GNA12: variants seen among roughly 807,000 people sequenced by gnomAD.
GNA12 encodes G protein subunit alpha 12, also known as guanine nucleotide-binding protein subunit alpha-12.
A neutral mutation model predicts 26.0 loss-of-function variants in GNA12; 9 were observed. The ratio of observed to expected loss-of-function variants is 0.35; its 90% confidence interval spans 0.21 to 0.60. GNA12 has a LOEUF of 0.60. GNA12 is among the 20% of genes least tolerant of loss of function. The pLI, the probability that GNA12 is intolerant of heterozygous loss-of-function variation, is 0.78. For synonymous variants in GNA12, 264 were observed against 219.6 expected, an observed-to-expected ratio of 1.20 and a Z score of -1.79; for missense variants, 405 against 525.8, an observed-to-expected ratio of 0.77 and a Z score of 2.25.
At chr7:2,735,463 G>A (rs1790121118) in intron 2 of GNA12, among the ~76,000 whole-genome samples, 1 of 151,722 alleles carries the variant, frequency 6.6e-6, no homozygotes, top group African/African-American at 2.4e-5. Context: ...GGACACACGT[G>A]CTCCGCCCAG....
At chr7:2,826,822 A>G (rs893841533) in intron 1 of GNA12, among the ~76,000 whole-genome samples, 1 of 152,162 alleles carries the variant, frequency 6.6e-6, no homozygotes, top group Non-Finnish European at 1.5e-5. Context: ...AACAAGGAGG[A>G]TTTTTAGGGC....
chr7:2,827,023 G>A (rs944980643), intron 1 of GNA12, among the ~76,000 whole-genome samples: 1 of 152,208 alleles, frequency 6.6e-6, no homozygotes, highest in African/African-American at 2.4e-5. Context: ...ACTGGTGTGG[G>A]GGAGGCAGGC....
intron 2 of GNA12, among the ~76,000 whole-genome samples, chr7:2,737,117 T>C (rs1790222022): frequency 6.6e-6 from 1 of 152,018 alleles, no homozygotes; most frequent in Admixed American, 6.5e-5. Context: ...AAGGTAACCG[T>C]GGATTGGTCT....
Position 2,795,434 on chromosome 7 carries a change from C to T in GNA12, c.310-291G>A, listed in dbSNP as rs146796012. Among the ~76,000 whole-genome samples, 903 of 152,098 alleles carry T rather than the reference C, an allele frequency of 5.9e-3. 6 individuals are homozygous for T. Among genetic ancestry groups the T allele is most frequent in the Middle Eastern group, 0.041 (12 of 294 alleles). ...CTGCTGGAACACAGGAGTCTGAGAC[C>T]GGCCTGGGCAACAGAGCAAGACCCT... On this transcript the variant is annotated intron_variant, in intron 1 of 3. Coordinates refer to ENST00000275364, the MANE Select transcript of GNA12 (RefSeq NM_007353.3).
intron 1 of GNA12, among the ~76,000 whole-genome samples, chr7:2,806,687 G>C (rs956035439): frequency 1.3e-5 from 2 of 151,972 alleles, no homozygotes; most frequent in African/African-American, 4.8e-5. Flanking sequence ...TTTTTCTAGC[G>C]ATGTATCGTA....
intron 1 of GNA12, among the ~76,000 whole-genome samples, chr7:2,807,656 A>G (rs936612013): frequency 5.9e-5 from 9 of 152,138 alleles, no homozygotes. Context: ...CTCTAAGACT[A>G]TCTGGAGGAA....
At chr7:2,816,902 T>A (rs1297363154) in intron 1 of GNA12, among the ~76,000 whole-genome samples, 2 of 152,172 alleles carry the variant, frequency 1.3e-5, no homozygotes, top group Non-Finnish European at 2.9e-5. Flanking sequence ...TCTTACCGCC[T>A]CCTCTGCTCC....
At chr7:2,739,318 T>C (rs1790378154) in intron 2 of GNA12, among the ~76,000 whole-genome samples, 1 of 152,026 alleles carries the variant, frequency 6.6e-6, no homozygotes, top group African/African-American at 2.4e-5. Flanking sequence ...ACAACACGAA[T>C]CTGCTTTCTG....
At chr7:2,830,410 AG>A (rs1793577617) in intron 1 of GNA12, among the ~76,000 whole-genome samples, 1 of 152,214 alleles carries the variant, frequency 6.6e-6, no homozygotes, top group Non-Finnish European at 1.5e-5. Flanking sequence ...GTAGCCAAGT[AG>A]GCTCCTGACC....
At chr7:2,765,466 G>C (rs573362663) in intron 2 of GNA12, among the ~76,000 whole-genome samples, 1 of 151,984 alleles carries the variant, frequency 6.6e-6, no homozygotes, top group South Asian at 2.1e-4. Flanking sequence ...GCCTACAACA[G>C]GAAGACTTTG....
chr7:2,769,019 T>A (rs1164547121), intron 2 of GNA12, among the ~76,000 whole-genome samples: 1 of 152,234 alleles, frequency 6.6e-6, no homozygotes, highest in African/African-American at 2.4e-5. Flanking sequence ...TTCTCCTGCC[T>A]CAGCCTCCTG....
At chr7:2,779,882 G>C (rs2115433416) in intron 2 of GNA12, among the ~76,000 whole-genome samples, 1 of 152,040 alleles carries the variant, frequency 6.6e-6, no homozygotes, top group Non-Finnish European at 1.5e-5. Flanking sequence ...ACAGGAGTGA[G>C]CCAGCAGGCT....
At chr7:2,837,361 G>A (rs901457021) in intron 1 of GNA12, among the ~76,000 whole-genome samples, 4 of 152,228 alleles carry the variant, frequency 2.6e-5, no homozygotes, top group Non-Finnish European at 5.9e-5. Context: ...ATTAACAAAA[G>A]TGCTAACAGC....
At chr7:2,823,258 C>T (rs1440108744) in intron 1 of GNA12, among the ~76,000 whole-genome samples, 3 of 152,090 alleles carry the variant, frequency 2.0e-5, no homozygotes, top group African/African-American at 7.2e-5. Context: ...CAAGGGACCC[C>T]GCCTTCCCCA....
intron 2 of GNA12, among the ~76,000 whole-genome samples, chr7:2,748,729 C>T (rs891536771): frequency 2.0e-4 from 30 of 152,274 alleles, no homozygotes; most frequent in African/African-American, 7.2e-4. Flanking sequence ...AGGCAACCTA[C>T]AGAATGGGAG....
chr7:2,776,014 C>A lies in GNA12; in HGVS notation c.525+18914G>T, dbSNP rs147565838. Among the ~76,000 whole-genome samples the A allele has an allele frequency of 1.2e-3, 179 of 152,358 alleles. 1 individual carries two copies. Among genetic ancestry groups the A allele is most frequent in the African/African-American group, 4.3e-3 (178 of 41,588 alleles). The stretch of plus-strand genomic sequence containing the variant: ...CCTGGTGGGAAGGCCCTGGACACAG[C>A]TGGCAAGTATAGCCCTGGGGGCTAA... On this transcript the variant is annotated intron_variant, in intron 2 of 3. Coordinates refer to ENST00000275364, the MANE Select transcript of GNA12 (RefSeq NM_007353.3).
chr7:2,828,738 C>G (rs1052193343), intron 1 of GNA12, among the ~76,000 whole-genome samples: 2 of 152,184 alleles, frequency 1.3e-5, no homozygotes, highest in Non-Finnish European at 2.9e-5. Context: ...ATGGAGTCTT[C>G]TTTAGTGGAT....
In GNA12 at chr7:2,783,836, C is replaced by A. The variant is rs1792295375; in HGVS notation, c.525+11092G>T. On this transcript the variant is annotated intron_variant, in intron 2 of 3. Coordinates refer to ENST00000275364, the MANE Select transcript of GNA12 (RefSeq NM_007353.3). Reference sequence around the variant, plus strand: ...AGTAGGTGGGATTACAGGCACCCACCACCATGTCTGGCTTATTTTTGTATT... The same window carrying A: ...AGTAGGTGGGATTACAGGCACCCACAACCATGTCTGGCTTATTTTTGTATT... 1.3e-5 allele frequency among the ~76,000 whole-genome samples: 2 copies of A among 152,082 alleles called. 1 individual carries two copies. The highest frequency in any genetic ancestry group is 6.8e-3 in the Middle Eastern group (2 of 294).
At chr7:2,738,404 C>T (rs1201429312) in intron 2 of GNA12, among the ~76,000 whole-genome samples, 7 of 152,102 alleles carry the variant, frequency 4.6e-5, no homozygotes, top group African/African-American at 1.4e-4. Context: ...GTGATCTCCA[C>T]GCAGTCAGGG....
Sources: gnomAD v4.1 joint callset for allele counts (sites outside exome capture counted in the v4.1 genomes callset) on GRCh38, gnomAD v4.1.1 for gene constraint, MANE v1.5 for transcripts, NCBI Gene and HGNC (gene_info 2026-07-23, HGNC 2026-07-21) for gene names.